The following DLG2 variants were observed in gnomAD, a reference collection of about 807,000 sequenced individuals.
DLG2 encodes disks large homolog 2.
In DLG2, 45 loss-of-function variants were observed where a neutral mutation model predicts 132.5. The ratio of observed to expected loss-of-function variants is 0.34; its 90% confidence interval spans 0.27 to 0.44. The LOEUF is 0.44. Ranked by LOEUF, DLG2 falls within the 20% of genes least tolerant of loss-of-function variation. DLG2 has a pLI of 1.00. For synonymous variants in DLG2, 424 were observed against 419.6 expected (o/e 1.01, Z -0.13); for missense variants, 1,045 against 1,196.9 (o/e 0.87, Z 1.87).
At chr11:85,058,512 A>G (rs1474905979) in intron 6 of DLG2, among the ~76,000 whole-genome samples, 2 of 151,560 alleles carry the variant, frequency 1.3e-5, no homozygotes, top group Non-Finnish European at 3.0e-5. Context: ...AATCGCATAA[A>G]GGACATCTGT....
chr11:85,328,710 G>A (rs868619083), intron 3 of DLG2, among the ~76,000 whole-genome samples: 11 of 151,502 alleles, frequency 7.3e-5, no homozygotes, highest in East Asian at 3.9e-4. Flanking sequence ...TTTGAAAACC[G>A]GCACAAGACA....
chr11:85,281,409 T>TTCC (rs2078213453), intron 4 of DLG2, among the ~76,000 whole-genome samples: 1 of 152,028 alleles, frequency 6.6e-6, no homozygotes, highest in African/African-American at 2.4e-5. Flanking sequence ...CCCATTGTTC[T>TTCC]TCCTATCAAC....
intron 3 of DLG2, among the ~76,000 whole-genome samples, chr11:85,564,390 G>T (rs1451887911): frequency 1.3e-5 from 2 of 151,612 alleles, no homozygotes; most frequent in Non-Finnish European, 2.9e-5. Context: ...TTCAGTTCTT[G>T]TGCTTAGGTC....
intron 3 of DLG2, among the ~76,000 whole-genome samples, chr11:85,296,467 C>CTTTTTTTTTTTTTTTTTTTTTTGTTTTT (rs66526147): frequency 8.2e-6 from 1 of 121,552 alleles, no homozygotes; most frequent in African/African-American, 3.1e-5. Flanking sequence ...TTTCGATTTT[C>CTTTTTTTTTTTTTTTTTTTTTTGTTTTT]TTTTTTTTTT....
intron 16 of DLG2, among the ~76,000 whole-genome samples, chr11:83,843,684 G>T (rs1355473035): frequency 6.6e-6 from 1 of 152,166 alleles, no homozygotes; most frequent in East Asian, 1.9e-4. Flanking sequence ...TATGTGGGAA[G>T]CCAGGATTGT....
intron 18 of DLG2, among the ~76,000 whole-genome samples, chr11:83,772,879 TA>T (rs1391284151): frequency 3.9e-5 from 6 of 152,184 alleles, no homozygotes; most frequent in South Asian, 2.1e-4. Flanking sequence ...TGGCTACTAA[TA>T]GGGGCAAGAA....
At chr11:84,687,987 T>C (rs1015012410) in intron 6 of DLG2, among the ~76,000 whole-genome samples, 3 of 152,216 alleles carry the variant, frequency 2.0e-5, no homozygotes, top group African/African-American at 7.2e-5. Flanking sequence ...CATTTGTCCC[T>C]GTCAGGTGCA....
intron 11 of DLG2, among the ~76,000 whole-genome samples, chr11:84,022,752 G>A (rs983558593): frequency 6.6e-6 from 1 of 152,098 alleles, no homozygotes; most frequent in Non-Finnish European, 1.5e-5. Context: ...GGGGAGTAGG[G>A]TGGTGGGAAG....
chr11:83,971,903 T>C (rs998672970), intron 12 of DLG2, among the ~76,000 whole-genome samples: 3 of 152,134 alleles, frequency 2.0e-5, no homozygotes, highest in Non-Finnish European at 4.4e-5. Context: ...ATGTTAGTAA[T>C]GGTTATCTTT....
chr11:84,051,872 T>A (rs1380057163), intron 11 of DLG2, among the ~76,000 whole-genome samples: 1 of 151,454 alleles, frequency 6.6e-6, no homozygotes, highest in Admixed American at 6.6e-5. Flanking sequence ...TTCCAAAAGG[T>A]ATATGCCTGA....
intron 6 of DLG2, among the ~76,000 whole-genome samples, chr11:84,976,944 A>G (rs1307118669): frequency 6.6e-6 from 1 of 152,150 alleles, no homozygotes; most frequent in Non-Finnish European, 1.5e-5. Flanking sequence ...TTTTCCATCC[A>G]GTCTATAAGA....
At chr11:84,228,201 G>A (rs1396636757) in intron 8 of DLG2, among the ~76,000 whole-genome samples, 1 of 152,042 alleles carries the variant, frequency 6.6e-6, no homozygotes. Context: ...TTGCTTATTT[G>A]GAAACATTTT....
In DLG2 at chr11:84,792,165, G is replaced by T. The variant is rs183483733; in HGVS notation, c.358-257434C>A. Among the ~76,000 whole-genome samples, 5 of 152,154 alleles carry T rather than the reference G, an allele frequency of 3.3e-5. No individual in the cohort carries two copies. In the East Asian group the frequency reaches 9.7e-4, roughly 29 times the overall value. On this transcript the variant is annotated intron_variant, in intron 6 of 27. Transcript: ENST00000376104. ...GAAGAGATGTTGAATTTTATCAAATGCTTTTTAGCATCAATTGAAAAGATC... is the reference window on the plus strand; with the variant it reads ...GAAGAGATGTTGAATTTTATCAAATTCTTTTTAGCATCAATTGAAAAGATC...
chr11:85,578,300 C>G (rs773843481), intron 3 of DLG2, among the ~76,000 whole-genome samples: 2 of 152,112 alleles, frequency 1.3e-5, no homozygotes, highest in Non-Finnish European at 2.9e-5. Context: ...AGAAGACAAC[C>G]TAGGCAATGC....
At chr11:84,777,706 T>C (rs2070925022) in intron 6 of DLG2, among the ~76,000 whole-genome samples, 1 of 152,150 alleles carries the variant, frequency 6.6e-6, no homozygotes, top group Non-Finnish European at 1.5e-5. Context: ...TTTGCTTTTC[T>C]TGATAAGTGA....
chr11:85,568,294 C>A (rs1251043438), intron 3 of DLG2, among the ~76,000 whole-genome samples: 1 of 152,106 alleles, frequency 6.6e-6, no homozygotes, highest in Admixed American at 6.6e-5. Flanking sequence ...GGATTACAGG[C>A]GTGCGTAACC....
At chr11:83,607,967 G>C (rs1178766731) in intron 19 of DLG2, among the ~76,000 whole-genome samples, 1 of 152,168 alleles carries the variant, frequency 6.6e-6, no homozygotes, top group Non-Finnish European at 1.5e-5. Context: ...CTCAGGGTAG[G>C]GGACAAGGTC....
rs373355003 is a variant in DLG2 at position 84,980,621 on chromosome 11, C to A, written c.357+131040G>T. Among the ~76,000 whole-genome samples, 4 of 152,102 alleles carry A rather than the reference C, an allele frequency of 2.6e-5. No individual in the cohort carries two copies. In the East Asian group the frequency reaches 7.7e-4, roughly 29 times the overall value. On this transcript the variant is annotated intron_variant, in intron 6 of 27. Coordinates refer to ENST00000376104, the MANE Select transcript of DLG2 (RefSeq NM_001142699.3). ...GGTTCTTGATACCTTTCAGCCAATT[C>A]CAGCACCAAAACATTATAGGTAAAA...
intron 6 of DLG2, among the ~76,000 whole-genome samples, chr11:84,719,375 AGTC>A (rs2061553294): frequency 6.6e-6 from 1 of 152,206 alleles, no homozygotes; most frequent in African/African-American, 2.4e-5. Flanking sequence ...CTCCTTAGAC[AGTC>A]ACCATAGTAG....
Sources: allele counts gnomAD v4.1 joint callset (sites outside exome capture counted in the v4.1 genomes callset), GRCh38; gene constraint gnomAD v4.1.1; transcripts MANE v1.5; gene names NCBI Gene and HGNC (gene_info 2026-07-23, HGNC 2026-07-21).